PPP2R2B: variants seen among roughly 807,000 people sequenced by gnomAD.
PPP2R2B encodes protein phosphatase 2 regulatory subunit Bbeta.
Under a neutral mutation model 46.0 loss-of-function variants are expected in PPP2R2B, and 5 were observed. The ratio of observed to expected loss-of-function variants is 0.11; its 90% CI spans 0.06 to 0.23. PPP2R2B has a LOEUF of 0.23. Ranked by LOEUF, PPP2R2B falls within the 10% of genes least tolerant of loss-of-function variation. The pLI is 1.00. For synonymous variants in PPP2R2B, 215 were observed against 206.7 expected (o/e 1.04, Z -0.34); for missense variants, 367 against 575.0 (o/e 0.64, Z 3.70).
At chr5:146,762,641 C>G (rs1257015793) in intron 2 of PPP2R2B, among the ~76,000 whole-genome samples, 1 of 152,184 alleles carries the variant, frequency 6.6e-6, no homozygotes, top group Non-Finnish European at 1.5e-5. Flanking sequence ...TATCCAGAGT[C>G]AGGCACAGAA....
chr5:146,876,343 C>G (rs1032851723), intron 2 of PPP2R2B, among the ~76,000 whole-genome samples: 1 of 152,222 alleles, frequency 6.6e-6, no homozygotes, highest in Non-Finnish European at 1.5e-5. Context: ...CATAGCTCCA[C>G]TCTGGGCATT....
chr5:146,909,416 C>G (rs1248327509), intron 1 of PPP2R2B, among the ~76,000 whole-genome samples: 2 of 152,142 alleles, frequency 1.3e-5, no homozygotes, highest in Non-Finnish European at 2.9e-5. Flanking sequence ...GAGCATTTTC[C>G]TCACCATTAT....
chr5:146,948,257 T>TAA (rs1342219822), intron 1 of PPP2R2B, among the ~76,000 whole-genome samples: 1 of 152,080 alleles, frequency 6.6e-6, no homozygotes, highest in East Asian at 1.9e-4. Context: ...TGCCTGGGTT[T>TAA]AAACACTGGC....
At chr5:146,780,281 A>G (rs1582087378) in intron 2 of PPP2R2B, among the ~76,000 whole-genome samples, 2 of 152,202 alleles carry the variant, frequency 1.3e-5, no homozygotes, top group South Asian at 2.1e-4. Flanking sequence ...TGATTGTGGG[A>G]TATTTTATAC....
chr5:146,689,922 C>T (rs1272536915), intron 5 of PPP2R2B, among the ~76,000 whole-genome samples: 1 of 152,192 alleles, frequency 6.6e-6, no homozygotes, highest in Non-Finnish European at 1.5e-5. Context: ...ACAGGGTAAA[C>T]ACCTAATAGT....
intron 2 of PPP2R2B, among the ~76,000 whole-genome samples, chr5:146,727,761 T>C (rs1207727023): frequency 6.6e-6 from 1 of 152,160 alleles, no homozygotes; most frequent in Non-Finnish European, 1.5e-5. Context: ...TTAACTATAA[T>C]CACCAAGTTG....
At chr5:146,726,733 G>T (rs2151200437) in intron 2 of PPP2R2B, among the ~76,000 whole-genome samples, 1 of 152,252 alleles carries the variant, frequency 6.6e-6, no homozygotes, top group East Asian at 1.9e-4. Context: ...CATGGGATCT[G>T]ATCTGAGAAA....
rs549822177 is a variant in PPP2R2B, at chr5:146,588,885, G to A, written c.*1062C>T. On this transcript the variant is annotated 3_prime_UTR_variant, in exon 10 of 10. Coordinates refer to ENST00000394411, the MANE Select transcript of PPP2R2B (RefSeq NM_181675.4). Reference sequence around the variant, plus strand: ...TTTTTATTGGCTATTTTTGTTCTAGGTACAATGGAGGTTGATGGATTGTTA... The same window carrying A: ...TTTTTATTGGCTATTTTTGTTCTAGATACAATGGAGGTTGATGGATTGTTA... The A allele has an allele frequency of 6.6e-6, 1 of 152,210 alleles. No individual in the cohort carries two copies. Among genetic ancestry groups the A allele is most frequent in the East Asian group, 1.9e-4 (1 of 5,172 alleles). The allele number at this position is 152,210 out of a possible 1,614,324, so 9.4% of individuals were successfully genotyped here. A position where few individuals can be genotyped will look rare whatever the true frequency, so the allele number is the denominator to read the frequency against.
rs1480535749 is a variant in PPP2R2B, at chr5:146,584,514, G to A, written c.*5433C>T. 2 of 152,134 alleles carry A rather than the reference G, an allele frequency of 1.3e-5. No homozygotes were observed. Among genetic ancestry groups the A allele is most frequent in the African/African-American group, 4.8e-5 (2 of 41,426 alleles). 9.4% of individuals were successfully genotyped at this position (152,134 alleles called of 1,614,324 possible). A position where few individuals can be genotyped will look rare whatever the true frequency, so the allele number is the denominator to read the frequency against. ...CTGTGATGGAAGAAGTATAGGATCT[G>A]GAACAGGATAGATCTAGATAAAACT... On this transcript the variant is annotated 3_prime_UTR_variant, in exon 10 of 10. Transcript: ENST00000394411.
At chr5:146,817,728 C>T (rs1212815931) in intron 2 of PPP2R2B, among the ~76,000 whole-genome samples, 12 of 152,176 alleles carry the variant, frequency 7.9e-5, no homozygotes, top group African/African-American at 2.9e-4. Flanking sequence ...CTCATTTTCC[C>T]AAGGCAATCA....
chr5:146,915,787 A>T (rs901020611), intron 1 of PPP2R2B, among the ~76,000 whole-genome samples: 1 of 152,170 alleles, frequency 6.6e-6, no homozygotes, highest in African/African-American at 2.4e-5. Context: ...CTCTGCCCAA[A>T]TTCTTGTGCT....
At chr5:147,067,488 T>G (rs939488868) in intron 2 of PPP2R2B, among the ~76,000 whole-genome samples, 14 of 152,210 alleles carry the variant, frequency 9.2e-5, no homozygotes, top group Non-Finnish European at 1.5e-4. Flanking sequence ...TGACAGGCTT[T>G]CTTTCTTTTT....
intron 5 of PPP2R2B, among the ~76,000 whole-genome samples, chr5:146,660,785 T>C (rs555276253): frequency 3.9e-5 from 6 of 152,346 alleles, no homozygotes; most frequent in African/African-American, 1.2e-4. Context: ...GGTCATTAAA[T>C]ATCTTAGAAT....
chr5:146,628,318 G>A (rs944804394), intron 7 of PPP2R2B, among the ~76,000 whole-genome samples: 2 of 152,168 alleles, frequency 1.3e-5, no homozygotes, highest in Non-Finnish European at 2.9e-5. Context: ...GACTGCCCCT[G>A]GACAGGAAGG....
chr5:147,005,029 A>G (rs919195928), intron 1 of PPP2R2B, among the ~76,000 whole-genome samples: 1 of 152,176 alleles, frequency 6.6e-6, no homozygotes, highest in Non-Finnish European at 1.5e-5. Context: ...GTTTATGGCT[A>G]TCAGACAGCT....
intron 1 of PPP2R2B, among the ~76,000 whole-genome samples, chr5:147,001,782 A>G (rs1358319062): frequency 6.6e-6 from 1 of 152,168 alleles, no homozygotes; most frequent in Non-Finnish European, 1.5e-5. Context: ...TGGCTACCAG[A>G]CTAAAGACGC....
intron 8 of PPP2R2B, among the ~76,000 whole-genome samples, chr5:146,599,516 A>G (rs1771568414): frequency 3.9e-5 from 6 of 152,176 alleles, no homozygotes; most frequent in Admixed American, 3.9e-4. Flanking sequence ...AGCCTACTGT[A>G]TATTACCAGG....
chr5:146,872,734 G>A (rs1761686814), intron 2 of PPP2R2B, among the ~76,000 whole-genome samples: 1 of 152,066 alleles, frequency 6.6e-6, no homozygotes, highest in Admixed American at 6.6e-5. Context: ...CTACCACATT[G>A]CTGAGAAATG....
chr5:147,023,187 C>T (rs958053003), intron 1 of PPP2R2B, among the ~76,000 whole-genome samples: 1 of 152,004 alleles, frequency 6.6e-6, no homozygotes, highest in Non-Finnish European at 1.5e-5. Flanking sequence ...TTGTAAGGTT[C>T]TTACATTATA....
Sources: gnomAD v4.1 joint callset for allele counts (sites outside exome capture counted in the v4.1 genomes callset) on GRCh38, gnomAD v4.1.1 for gene constraint, MANE v1.5 for transcripts, NCBI Gene and HGNC (gene_info 2026-07-23, HGNC 2026-07-21) for gene names.